Variants in PCDHA13 observed in about 807,000 individuals in gnomAD.
The protein encoded by PCDHA13 is protocadherin alpha-13.
Under a neutral mutation model 64.8 loss-of-function variants are expected in PCDHA13, and 54 were observed. The ratio of observed to expected loss-of-function variants is 0.83; its 90% CI spans 0.67 to 1.04. The LOEUF is 1.04. Ranked by LOEUF, PCDHA13 falls within the 50% of genes least tolerant of loss-of-function variation. The probability of loss-of-function intolerance (pLI) is 0.00; values close to 1 mark genes in which losing one functional copy is unlikely to be tolerated. For missense variants in PCDHA13, 1,248 were observed against 1,254.3 expected, an observed-to-expected ratio of 0.99 and a Z score of 0.08; for synonymous variants, 587 against 564.4, an observed-to-expected ratio of 1.04 and a Z score of -0.57.
intron 2 of PCDHA13, among the ~76,000 whole-genome samples, chr5:140,979,895 T>G (rs1460432451): frequency 6.6e-6 from 1 of 152,222 alleles, no homozygotes; most frequent in Non-Finnish European, 1.5e-5. Context: ...TTCACCAAAC[T>G]TAGATCAGTT....
chr5:140,883,208 A>C lies in PCDHA13; in HGVS notation c.940A>C (p.Lys314Gln). ...TKGKLDFEEK[K>Q]LYEISVEAVD... Reference sequence around the variant, plus strand: ...AGGCAAACTAGATTTCGAAGAAAAGAAATTATATGAAATATCCGTGGAGGC... The same window carrying C: ...AGGCAAACTAGATTTCGAAGAAAAGCAATTATATGAAATATCCGTGGAGGC... Residue 314 changes from lysine to glutamine, a missense_variant, in exon 1 of 4, where the codon AAA becomes CAA. Lys to Gln is a moderately conservative substitution (Grantham distance 53, BLOSUM62 1). Transcript: ENST00000289272. The C allele has an allele frequency of 1.9e-6, 3 of 1,614,034 alleles. No individual in the cohort carries two copies. The highest frequency in any genetic ancestry group is 1.7e-6 in the Non-Finnish European group (2 of 1,180,030).
intron 3 of PCDHA13, among the ~76,000 whole-genome samples, chr5:140,998,872 T>C (rs1159101161): frequency 6.6e-6 from 1 of 152,202 alleles, no homozygotes; most frequent in African/African-American, 2.4e-5. Flanking sequence ...TTGTAAATAA[T>C]AAGTTTAGTT....
In PCDHA13 at chr5:140,993,861, T is replaced by G. The variant is rs143253452; in HGVS notation, c.2542+11298T>G. 3.2e-4 allele frequency among the ~76,000 whole-genome samples: 49 copies of G among 152,356 alleles called. No homozygotes were observed. In the East Asian group the frequency reaches 9.4e-3, roughly 29 times the overall value. On this transcript the variant is annotated intron_variant, in intron 3 of 3. Transcript: ENST00000289272. ...TAGGTATGTAGTAGGCTATGCCATC[T>G]AGGTTTGTGTAAGTACGCTCTATGA... is the stretch of plus-strand genomic sequence containing the variant.
intron 1 of PCDHA13, among the ~76,000 whole-genome samples, chr5:140,894,254 A>G (rs566555133): frequency 6.6e-6 from 1 of 152,128 alleles, no homozygotes; most frequent in Admixed American, 6.5e-5. Flanking sequence ...TCTTTTCTTT[A>G]CAAGTGGTAG....
intron 3 of PCDHA13, among the ~76,000 whole-genome samples, chr5:140,986,342 C>G (rs1390823261): frequency 4.6e-5 from 7 of 152,184 alleles, no homozygotes; most frequent in African/African-American, 1.7e-4. Flanking sequence ...ACAGTTGCAG[C>G]CTCTTCTTCA....
intron 1 of PCDHA13, chr5:140,968,792 A>G (rs200477554): frequency 2.5e-6 from 4 of 1,614,186 alleles, no homozygotes; most frequent in Admixed American, 3.3e-5. Flanking sequence ...CTCTGTGGCC[A>G]TTACAGTAGC....
At position 140,883,703 on chromosome 5, in the gene PCDHA13, G is replaced by C; in HGVS notation, c.1435G>C (p.Ala479Pro). 6.2e-7 allele frequency: 1 copy of C among 1,613,802 alleles called. No homozygotes were observed. The highest frequency in any genetic ancestry group is 8.5e-7 in the Non-Finnish European group (1 of 1,179,878). ...GGGCTGCCACATCTTCACGGTGTCT[G>C]CTCAGGACGCGGACGCACAGGAGAA... ...PPGCHIFTVS[A>P]QDADAQENAL... is the part of the protein sequence containing the mutation. The change falls in exon 1 of 4, where the codon GCT becomes CCT. Residue 479 changes from alanine (A) to proline (P), a missense_variant. By Grantham distance (27) the Ala-to-Pro change is conservative. Coordinates refer to ENST00000289272, the MANE Select transcript of PCDHA13 (RefSeq NM_018904.3).
chr5:140,918,425 T>A (rs1402096329), intron 1 of PCDHA13, among the ~76,000 whole-genome samples: 1 of 152,200 alleles, frequency 6.6e-6, no homozygotes, highest in Non-Finnish European at 1.5e-5. Flanking sequence ...TCCAGTAGGA[T>A]GTTGAATAGG....
At chr5:140,969,253 C>T in intron 1 of PCDHA13, 3 of 1,614,202 alleles carry the variant, frequency 1.9e-6, no homozygotes, top group Non-Finnish European at 2.5e-6. Flanking sequence ...TGACTGACAG[C>T]AGGAATCTCA....
chr5:140,920,801 G>A (rs1303863265), intron 1 of PCDHA13, among the ~76,000 whole-genome samples: 2 of 148,716 alleles, frequency 1.3e-5, no homozygotes, highest in Non-Finnish European at 3.0e-5. Context: ...CCAAGATCAC[G>A]CCACTGCACT....
chr5:140,900,717 A>G (rs2068252980), intron 1 of PCDHA13, among the ~76,000 whole-genome samples: 1 of 152,136 alleles, frequency 6.6e-6, no homozygotes, highest in South Asian at 2.1e-4. Flanking sequence ...AAGAAAGGAA[A>G]TCCTACCTAG....
intron 3 of PCDHA13, among the ~76,000 whole-genome samples, chr5:140,994,021 G>A (rs1160447092): frequency 6.6e-6 from 1 of 152,140 alleles, no homozygotes; most frequent in Non-Finnish European, 1.5e-5. Context: ...AGGTGATGCA[G>A]ATATAATATT....
chr5:140,941,191 T>TTTTTTTTCTTTC (rs1554213809), intron 1 of PCDHA13, among the ~76,000 whole-genome samples: 2 of 93,204 alleles, frequency 2.1e-5, no homozygotes, highest in African/African-American at 7.9e-5. Context: ...GCTTCTTTTT[T>TTTTTTTTCTTTC]TTTCTTTCTT....
At chr5:140,931,602 T>C (rs1192023680) in intron 1 of PCDHA13, among the ~76,000 whole-genome samples, 12 of 152,084 alleles carry the variant, frequency 7.9e-5, no homozygotes, top group Non-Finnish European at 1.2e-4. Flanking sequence ...TTTTCCATCA[T>C]TGTTGATATT....
chr5:140,981,465 T>C (rs1226815704), intron 2 of PCDHA13, among the ~76,000 whole-genome samples: 2 of 152,116 alleles, frequency 1.3e-5, no homozygotes, highest in Non-Finnish European at 1.5e-5. Context: ...TCCCAGCTAC[T>C]TGGGAGGCTG....
chr5:140,943,305 CATT>C (rs1322564942), intron 1 of PCDHA13, among the ~76,000 whole-genome samples: 13 of 146,998 alleles, frequency 8.8e-5, no homozygotes, highest in African/African-American at 3.0e-4. Flanking sequence ...TTTGGGAAGT[CATT>C]ATTAGCAATA....
chr5:140,926,812 G>C, intron 1 of PCDHA13: 3 of 1,459,082 alleles, frequency 2.1e-6, no homozygotes, highest in Non-Finnish European at 1.8e-6. Flanking sequence ...CCCGCGGCTC[G>C]TGCTCTCCAG....
At chr5:140,970,802 AC>A (rs1407360459) in intron 1 of PCDHA13, among the ~76,000 whole-genome samples, 1 of 152,216 alleles carries the variant, frequency 6.6e-6, no homozygotes, top group Non-Finnish European at 1.5e-5. Flanking sequence ...CCATATTGTT[AC>A]ATTTCAAGTT....
In PCDHA13 at chr5:141,012,013, G is replaced by A. The variant is rs181445737; in HGVS notation, c.*2076G>A. 25 of 153,796 alleles carry A rather than the reference G, an allele frequency of 1.6e-4. No homozygotes were observed. The highest frequency in any genetic ancestry group is 2.1e-4 in the South Asian group (1 of 4,818). 9.5% of individuals were successfully genotyped at this position (153,796 alleles called of 1,614,324 possible). A position where few individuals can be genotyped will look rare whatever the true frequency, so the allele number is the denominator to read the frequency against. ...CATTCTCCCATATTTTGAAGGGTGTGTAACTTCAGCTCTGCAGGATTGCAT... is the reference window on the plus strand; with the variant it reads ...CATTCTCCCATATTTTGAAGGGTGTATAACTTCAGCTCTGCAGGATTGCAT... On this transcript the variant is annotated 3_prime_UTR_variant, in exon 4 of 4. Transcript: ENST00000289272.
Sources: allele counts gnomAD v4.1 joint callset (sites outside exome capture counted in the v4.1 genomes callset), GRCh38; gene constraint gnomAD v4.1.1; transcripts MANE v1.5; gene names NCBI Gene and HGNC (gene_info 2026-07-23, HGNC 2026-07-21).